The following DLGAP2 variants were observed in gnomAD, a reference collection of about 807,000 sequenced individuals.
The protein encoded by DLGAP2 is disks large-associated protein 2.
Under a neutral mutation model 100.3 loss-of-function variants are expected in DLGAP2, and 26 were observed. The observed-to-expected ratio is 0.26, with a 90% CI of 0.19 to 0.36. The LOEUF is 0.36. Ranked by LOEUF, DLGAP2 falls within the 10% of genes least tolerant of loss-of-function variation. The probability of loss-of-function intolerance (pLI) is 1.00; values close to 1 mark genes in which losing one functional copy is unlikely to be tolerated. For synonymous variants in DLGAP2, 886 were observed against 630.1 expected, an observed-to-expected ratio of 1.41 and a Z score of -6.08; for missense variants, 1,858 against 1,453.2, an observed-to-expected ratio of 1.28 and a Z score of -4.53.
intron 5 of DLGAP2, among the ~76,000 whole-genome samples, chr8:1,550,303 C>G (rs892816983): frequency 6.6e-6 from 1 of 152,164 alleles, no homozygotes; most frequent in African/African-American, 2.4e-5. Context: ...GCTTTGTGCG[C>G]GGGGCTGCAG....
chr8:1,053,572 A>G (rs140397454), intron 2 of DLGAP2, among the ~76,000 whole-genome samples: 2 of 152,234 alleles, frequency 1.3e-5, no homozygotes, highest in Non-Finnish European at 2.9e-5. Context: ...AGTGATGAAG[A>G]CTGACACAGA....
chr8:1,318,137 T>G (rs200613607), intron 3 of DLGAP2, among the ~76,000 whole-genome samples: 279 of 62,786 alleles, frequency 4.4e-3, no homozygotes, highest in Middle Eastern at 0.026. Context: ...GAGACACTCG[T>G]CAGCGTTTAA....
At chr8:1,693,244 T>A (rs925791941) in intron 13 of DLGAP2, among the ~76,000 whole-genome samples, 1 of 148,650 alleles carries the variant, frequency 6.7e-6, no homozygotes, top group African/African-American at 2.4e-5. Context: ...ATATAAAACA[T>A]GTAAGTTTAC....
intron 2 of DLGAP2, among the ~76,000 whole-genome samples, chr8:1,165,546 C>G (rs138186126): frequency 6.6e-6 from 1 of 152,190 alleles, no homozygotes; most frequent in Non-Finnish European, 1.5e-5. Flanking sequence ...TGTTGCCAAG[C>G]CTTGTTCTAG....
At chr8:843,816 C>T (rs970895107) in intron 1 of DLGAP2, among the ~76,000 whole-genome samples, 5 of 152,154 alleles carry the variant, frequency 3.3e-5, no homozygotes, top group Non-Finnish European at 5.9e-5. Context: ...ACTGTGTCCT[C>T]GCTACATGAT....
At chr8:1,422,353 T>C (rs1470720523) in intron 3 of DLGAP2, among the ~76,000 whole-genome samples, 1 of 152,146 alleles carries the variant, frequency 6.6e-6, no homozygotes, top group East Asian at 1.9e-4. Flanking sequence ...GAAATTTCCG[T>C]CCACTGCAAG....
chr8:1,514,499 AAAT>A (rs763881838), intron 4 of DLGAP2, among the ~76,000 whole-genome samples: 16 of 152,264 alleles, frequency 1.1e-4, no homozygotes, highest in South Asian at 2.1e-4. Context: ...ATATAAAAGG[AAAT>A]AATATGAATA....
chr8:1,038,925 T>C (rs1409251644), intron 2 of DLGAP2, among the ~76,000 whole-genome samples: 1 of 152,240 alleles, frequency 6.6e-6, no homozygotes, highest in East Asian at 1.9e-4. Flanking sequence ...ACCCATCCAT[T>C]TGAATTGGAT....
intron 1 of DLGAP2, among the ~76,000 whole-genome samples, chr8:853,412 A>G (rs1028541350): frequency 2.0e-5 from 3 of 152,238 alleles, no homozygotes; most frequent in Non-Finnish European, 4.4e-5. Flanking sequence ...GTCTGCTCAG[A>G]TAGACAGCCC....
chr8:1,681,476 AAATAAT>A (rs1243161973), intron 12 of DLGAP2, among the ~76,000 whole-genome samples: 6 of 151,844 alleles, frequency 4.0e-5, no homozygotes, highest in Non-Finnish European at 5.9e-5. Flanking sequence ...CTACCAAAAA[AAATAAT>A]AATAATAATA....
At chr8:1,026,323 C>G (rs1801799298) in intron 2 of DLGAP2, among the ~76,000 whole-genome samples, 1 of 152,194 alleles carries the variant, frequency 6.6e-6, no homozygotes, top group Non-Finnish European at 1.5e-5. Flanking sequence ...TCTCCTTTGA[C>G]AAACCACTGT....
At chr8:910,482 G>A (rs950650435) in intron 2 of DLGAP2, 4 of 152,212 alleles carry the variant, frequency 2.6e-5, no homozygotes, top group Non-Finnish European at 5.9e-5. Flanking sequence ...TGTTGGTGGA[G>A]GAGAATGCGA....
intron 2 of DLGAP2, among the ~76,000 whole-genome samples, chr8:961,743 T>C (rs990622925): frequency 9.2e-5 from 14 of 152,244 alleles, no homozygotes; most frequent in African/African-American, 3.4e-4. Context: ...TGAAAGAAAT[T>C]TATCCCGACA....
At chr8:1,683,382 ATCT>A (rs1265339847) in intron 12 of DLGAP2, among the ~76,000 whole-genome samples, 4 of 151,562 alleles carry the variant, frequency 2.6e-5, no homozygotes, top group Middle Eastern at 3.4e-3. Flanking sequence ...CTGGAGGAAG[ATCT>A]TCATGTCAGC....
At chr8:1,477,585 T>C (rs1477105107) in intron 3 of DLGAP2, among the ~76,000 whole-genome samples, 1 of 152,170 alleles carries the variant, frequency 6.6e-6, no homozygotes, top group Non-Finnish European at 1.5e-5. Flanking sequence ...TCTACTGTGG[T>C]TCCTAATTCC....
intron 2 of DLGAP2, among the ~76,000 whole-genome samples, chr8:1,028,501 G>A (rs1037066435): frequency 5.9e-5 from 9 of 151,982 alleles, no homozygotes; most frequent in Non-Finnish European, 1.0e-4. Flanking sequence ...CCAGGCGCCC[G>A]TTATTCTCCA....
intron 1 of DLGAP2, among the ~76,000 whole-genome samples, chr8:888,080 A>C (rs1006901813): frequency 1.3e-5 from 2 of 151,810 alleles, no homozygotes; most frequent in Non-Finnish European, 2.9e-5. Context: ...ATTCCTTTTC[A>C]TTCTTTTTTC....
chr8:921,597 C>T (rs1382228865), intron 2 of DLGAP2, among the ~76,000 whole-genome samples: 2 of 152,232 alleles, frequency 1.3e-5, no homozygotes, highest in South Asian at 2.1e-4. Flanking sequence ...GTCCTGGTCC[C>T]GTGTCCCTTC....
rs115431828 is a variant in DLGAP2, at chr8:1,607,403, G to A, written c.1443-19337G>A. 6.3e-3 allele frequency among the ~76,000 whole-genome samples: 956 copies of A among 152,240 alleles called. 8 individuals carry two copies. Among genetic ancestry groups the A allele is most frequent in the African/African-American group, 0.022 (898 of 41,540 alleles). On this transcript the variant is annotated intron_variant, in intron 6 of 14. Transcript: ENST00000637795. Reference sequence around the variant, plus strand: ...TAATGCTCATCACATCTGTTCTGACGTTTAAGTCACTGTCCTTTCTCAAAG... The same window carrying A: ...TAATGCTCATCACATCTGTTCTGACATTTAAGTCACTGTCCTTTCTCAAAG...
Sources: allele counts gnomAD v4.1 joint callset (sites outside exome capture counted in the v4.1 genomes callset), GRCh38; gene constraint gnomAD v4.1.1; transcripts MANE v1.5; gene names NCBI Gene and HGNC (gene_info 2026-07-23, HGNC 2026-07-21).